The following ADK variants were observed in gnomAD, a reference collection of about 807,000 sequenced individuals.
ADK encodes adenosine kinase.
A neutral mutation model predicts 44.7 loss-of-function variants in ADK; 24 were observed. That is an observed-to-expected ratio of 0.54 (90% CI 0.39 to 0.76). The LOEUF (loss-of-function observed/expected upper bound fraction) is 0.76, where lower values mean the gene tolerates loss of function less well. Among genes scored for constraint, ADK ranks in the 30% least tolerant of loss-of-function variants. ADK has a pLI of 0.00. For missense variants in ADK, 321 were observed against 425.1 expected, an observed-to-expected ratio of 0.76 and a Z score of 2.15; for synonymous variants, 128 against 142.6, an observed-to-expected ratio of 0.90 and a Z score of 0.73.
chr10:74,159,190 C>A (rs139345426), intron 1 of ADK, among the ~76,000 whole-genome samples: 81 of 152,306 alleles, frequency 5.3e-4, no homozygotes, highest in African/African-American at 1.9e-3. Context: ...ATCTGAGTTT[C>A]TATTTGCATT....
intron 1 of ADK, among the ~76,000 whole-genome samples, chr10:74,191,136 A>G (rs1842939977): frequency 6.6e-6 from 1 of 152,038 alleles, no homozygotes; most frequent in Non-Finnish European, 1.5e-5. Context: ...ACCTGCCACC[A>G]TGCCCAGCTA....
chr10:74,692,460 C>G (rs1220319932), intron 10 of ADK, among the ~76,000 whole-genome samples: 6 of 151,850 alleles, frequency 4.0e-5, no homozygotes, highest in Non-Finnish European at 7.4e-5. Context: ...GCCTGGGCAA[C>G]AAGAGCAAAA....
chr10:74,290,903 T>C (rs774034587), intron 3 of ADK, among the ~76,000 whole-genome samples: 173 of 152,278 alleles, frequency 1.1e-3, no homozygotes, highest in Non-Finnish European at 2.1e-3. Flanking sequence ...GAGCACTTCA[T>C]TCTACTGTGC....
rs79651069 is a variant in ADK, at chr10:74,375,681, G to C, written c.274-18460G>C. 2.6e-5 allele frequency among the ~76,000 whole-genome samples: 4 copies of C among 152,246 alleles called. No homozygotes were observed. The East Asian group carries it at 5.8e-4, about 22-fold the overall frequency. ...TTTTTAAACTGCTGGTCCTACCTCA[G>C]CAGCACCAGGAGAGTGGCAAAGGGG... On this transcript the variant is annotated intron_variant, in intron 4 of 10. Coordinates refer to ENST00000539909, the MANE Select transcript of ADK (RefSeq NM_006721.4).
At chr10:74,423,562 A>G (rs1269354902) in intron 6 of ADK, 3 of 237,322 alleles carry the variant, frequency 1.3e-5, no homozygotes, top group Non-Finnish European at 2.6e-5. Flanking sequence ...TGTAAACTTC[A>G]TTCACGTTCA....
intron 3 of ADK, among the ~76,000 whole-genome samples, chr10:74,290,304 C>T (rs534758622): frequency 1.3e-5 from 2 of 152,136 alleles, no homozygotes; most frequent in South Asian, 4.2e-4. Context: ...TTTCTTATTG[C>T]TCATTTGGAA....
intron 6 of ADK, among the ~76,000 whole-genome samples, chr10:74,447,944 G>C (rs113648205): frequency 0.032 from 4,841 of 152,140 alleles, 223 homozygotes; most frequent in African/African-American, 0.098. Flanking sequence ...GAGGCTGAGG[G>C]GGGTGGATCA....
chr10:74,223,069 A>G (rs1012746232), intron 2 of ADK, among the ~76,000 whole-genome samples: 3 of 152,194 alleles, frequency 2.0e-5, no homozygotes, highest in African/African-American at 4.8e-5. Context: ...GTTACTTAGA[A>G]TACCTGAAAC....
At chr10:74,186,004 T>G (rs548947014) in intron 1 of ADK, among the ~76,000 whole-genome samples, 1 of 151,674 alleles carries the variant, frequency 6.6e-6, no homozygotes, top group South Asian at 2.1e-4. Flanking sequence ...CGCCCCACCG[T>G]GCCAGGCTAA....
chr10:74,349,643 C>G (rs2131899507), intron 4 of ADK, among the ~76,000 whole-genome samples: 1 of 152,128 alleles, frequency 6.6e-6, no homozygotes, highest in East Asian at 1.9e-4. Context: ...AGTCAAGATC[C>G]ATCGGTGTGC....
chr10:74,220,937 G>A (rs1175967192), intron 2 of ADK, among the ~76,000 whole-genome samples: 2 of 151,458 alleles, frequency 1.3e-5, no homozygotes, highest in South Asian at 2.1e-4. Context: ...AAAACTGGAA[G>A]CATTCCCTTT....
chr10:74,190,395 G>A (rs1842919639), intron 1 of ADK, among the ~76,000 whole-genome samples: 1 of 152,162 alleles, frequency 6.6e-6, no homozygotes, highest in Non-Finnish European at 1.5e-5. Context: ...GGCCTTCTCA[G>A]GTCTTTCTTG....
intron 6 of ADK, among the ~76,000 whole-genome samples, chr10:74,430,445 A>G (rs1258194113): frequency 1.3e-5 from 2 of 152,116 alleles, no homozygotes; most frequent in Admixed American, 6.5e-5. Context: ...ATATTTGCAC[A>G]TAAGTTTTTG....
At chr10:74,327,369 G>A (rs1006225600) in intron 4 of ADK, among the ~76,000 whole-genome samples, 6 of 152,076 alleles carry the variant, frequency 3.9e-5, no homozygotes, top group African/African-American at 1.2e-4. Context: ...TATAATCTAT[G>A]ATTTTGAACT....
intron 3 of ADK, among the ~76,000 whole-genome samples, chr10:74,308,254 A>G (rs1295932188): frequency 6.6e-6 from 1 of 152,230 alleles, no homozygotes; most frequent in Non-Finnish European, 1.5e-5. Context: ...TATCTAAGCA[A>G]TACATGCTTA....
chr10:74,494,551 A>G (rs1847610279), intron 6 of ADK, among the ~76,000 whole-genome samples: 1 of 152,154 alleles, frequency 6.6e-6, no homozygotes, highest in East Asian at 1.9e-4. Flanking sequence ...CATATCTTCC[A>G]ATAGCTTCTC....
At chr10:74,576,510 T>C (rs1466012479) in intron 7 of ADK, among the ~76,000 whole-genome samples, 1 of 152,122 alleles carries the variant, frequency 6.6e-6, no homozygotes, top group African/African-American at 2.4e-5. Flanking sequence ...TATTTCTAAA[T>C]GTTACACTAT....
At chr10:74,312,049 C>T (rs931026519) in intron 3 of ADK, among the ~76,000 whole-genome samples, 4 of 152,056 alleles carry the variant, frequency 2.6e-5, no homozygotes, top group Non-Finnish European at 5.9e-5. Flanking sequence ...GCCTGTAGTC[C>T]CAGCTACTTG....
chr10:74,603,256 A>G (rs1420779578), intron 9 of ADK, among the ~76,000 whole-genome samples: 1 of 151,842 alleles, frequency 6.6e-6, no homozygotes, highest in Non-Finnish European at 1.5e-5. Context: ...TGTGCCTTAA[A>G]CCTATTTTTT....
Sources: gnomAD v4.1 joint callset for allele counts (sites outside exome capture counted in the v4.1 genomes callset) on GRCh38, gnomAD v4.1.1 for gene constraint, MANE v1.5 for transcripts, NCBI Gene and HGNC (gene_info 2026-07-23, HGNC 2026-07-21) for gene names.